PLA2R1: variants seen among roughly 807,000 people sequenced by gnomAD.
PLA2R1 encodes the protein secretory phospholipase A2 receptor.
PLA2R1 carries 158 observed loss-of-function variants against 195.9 expected under a neutral mutation model. The observed-to-expected ratio is 0.81, with a 90% CI of 0.71 to 0.92. PLA2R1 has a LOEUF of 0.92. PLA2R1 is among the 40% of genes least tolerant of loss of function. The pLI is 0.00. For missense variants in PLA2R1, 1,626 were observed against 1,764.6 expected, an observed-to-expected ratio of 0.92 and a Z score of 1.41; for synonymous variants, 586 against 598.2, an observed-to-expected ratio of 0.98 and a Z score of 0.30.
At chr2:160,020,287 C>A in intron 7 of PLA2R1, 24 bp from the exon 8 acceptor site, 1 of 1,568,872 alleles carries the variant, frequency 6.4e-7, no homozygotes, top group Non-Finnish European at 8.7e-7. Context: ...ATGTAAATTA[C>A]TTATGGGATC....
At chr2:159,969,442 G>T in intron 18 of PLA2R1, 83 bp from the exon 19 acceptor site, 1 of 715,536 alleles carries the variant, frequency 1.4e-6, no homozygotes, top group Non-Finnish European at 2.5e-6. Context: ...TCTGAGGTAG[G>T]GATTGAAGAT....
At chr2:159,964,403 C>A (rs1382331019) in intron 20 of PLA2R1, among the ~76,000 whole-genome samples, 1 of 152,036 alleles carries the variant, frequency 6.6e-6, no homozygotes, top group Non-Finnish European at 1.5e-5. Context: ...TTATTTAGGA[C>A]CATAAAGATG....
rs759960475 is a variant in PLA2R1 at position 160,042,111 on chromosome 2, C to T, written c.581G>A (p.Arg194His). Reference protein sequence around the residue: ...YNHQWHHECTREGREDDLLWC... With the variant: ...YNHQWHHECTHEGREDDLLWC... The stretch of plus-strand genomic sequence containing the variant: ...CAGTAAGTCATCTTCCCGACCTTCA[C>T]GGGTACATTCATGATGCCACTGATG... Residue 194 changes from arginine (R) to histidine (H), a missense_variant, in exon 3 of 30, where the codon CGT (arginine) becomes CAT (histidine). Physicochemically the swap from Arg to His is conservative, Grantham distance 29 (BLOSUM62 0). Transcript: ENST00000283243. 1.9e-5 allele frequency: 31 copies of T among 1,614,048 alleles called. No homozygotes were observed. The highest frequency in any genetic ancestry group is 1.6e-4 in the Middle Eastern group (1 of 6,062).
chr2:159,988,845 A>C lies in PLA2R1; in HGVS notation c.1835-1487T>G, dbSNP rs577409071. On this transcript the variant is annotated intron_variant, in intron 11 of 29. Transcript: ENST00000283243. The stretch of plus-strand genomic sequence containing the variant: ...ACAAGAGAGGGAAAATGAAGAGTGC[A>C]AAGGAGAAGAAAGAAGACAAAGGAA... Among the ~76,000 whole-genome samples, 8 of 152,306 alleles carry C rather than the reference A, an allele frequency of 5.3e-5. No homozygotes were observed. The South Asian group carries it at 8.3e-4, about 16-fold the overall frequency.
chr2:160,022,284 C>T (rs918745020), intron 7 of PLA2R1, among the ~76,000 whole-genome samples: 5 of 151,860 alleles, frequency 3.3e-5, no homozygotes, highest in Non-Finnish European at 5.9e-5. Flanking sequence ...AAATTGTTTA[C>T]ATCTAATTAT....
chr2:160,048,974 G>A (rs1695055740), intron 1 of PLA2R1, among the ~76,000 whole-genome samples: 1 of 150,082 alleles, frequency 6.7e-6, no homozygotes, highest in Non-Finnish European at 1.5e-5. Flanking sequence ...CCAAGTAGCT[G>A]GGACTACAGG....
intron 17 of PLA2R1, among the ~76,000 whole-genome samples, chr2:159,975,333 T>G (rs1289583029): frequency 6.6e-6 from 1 of 152,216 alleles, no homozygotes; most frequent in East Asian, 1.9e-4. Flanking sequence ...TACTTGATAA[T>G]GAATGCTTAT....
chr2:160,049,002 G>A (rs978861811), intron 1 of PLA2R1, among the ~76,000 whole-genome samples: 8 of 151,616 alleles, frequency 5.3e-5, no homozygotes, highest in African/African-American at 1.5e-4. Context: ...CACTACGCCC[G>A]GCTAATTTTT....
In PLA2R1 at chr2:159,976,216, C is replaced by T; in HGVS notation, c.2447G>A (p.Trp816Ter). The change falls in exon 17 of 30, where the codon TGG (tryptophan) becomes TAG (stop). Residue 816 changes from tryptophan (W) to a stop codon, truncating the protein, a stop_gained. Transcript: ENST00000283243. LOFTEE classifies it high-confidence loss of function. Reference sequence around the variant, plus strand: ...GTATTCTGCATCCTGATAAAAGAGCCAGGGTACATCTGAAAAAGAAACAGT... The same window carrying T: ...GTATTCTGCATCCTGATAAAAGAGCTAGGGTACATCTGAAAAAGAAACAGT... ...IPFWYQYDVP[W>*]LFYQDAEYLF... 6.2e-7 allele frequency: 1 copy of T among 1,600,880 alleles called. No homozygotes were observed. Among genetic ancestry groups the T allele is most frequent in the Non-Finnish European group, 8.5e-7 (1 of 1,172,800 alleles).
In PLA2R1 at chr2:160,062,330, G is replaced by A. The variant is rs1489188602; in HGVS notation, c.74C>T (p.Ala25Val). 2 of 1,524,978 alleles carry A rather than the reference G, an allele frequency of 1.3e-6. No individual in the cohort carries two copies. The highest frequency in any genetic ancestry group is 2.1e-5 in the Admixed American group (1 of 48,194). The allele number at this position is 1,524,978 out of a possible 1,614,324, so 94.5% of individuals were successfully genotyped here. A position where few individuals can be genotyped will look rare whatever the true frequency, so the allele number is the denominator to read the frequency against. ...CAGGAGCCGCTCGGGGGTAAGCGCCGCCGCCACACCCTCGGCGCAGCCCCG... is the reference window on the plus strand; with the variant it reads ...CAGGAGCCGCTCGGGGGTAAGCGCCACCGCCACACCCTCGGCGCAGCCCCG... ...APRGCAEGVA[A>V]ALTPERLLEW... Residue 25 changes from alanine to valine, a missense_variant, in exon 1 of 30, where the codon GCG (alanine) becomes GTG (valine). Ala to Val is a moderately conservative substitution (Grantham distance 64). Coordinates refer to ENST00000283243, the MANE Select transcript of PLA2R1 (RefSeq NM_007366.5).
chr2:159,950,537 T>A (rs554730806), intron 24 of PLA2R1, among the ~76,000 whole-genome samples: 8 of 152,224 alleles, frequency 5.3e-5, no homozygotes, highest in African/African-American at 1.9e-4. Context: ...AATGGTTTAA[T>A]AAGTTGTGGT....
At position 159,971,238 on chromosome 2, in the gene PLA2R1, T is replaced by C. The variant is rs530779458; in HGVS notation, c.2596-1026A>G. Among the ~76,000 whole-genome samples the C allele has an allele frequency of 3.9e-5, 6 of 152,294 alleles. No individual in the cohort carries two copies. In the South Asian group the frequency reaches 6.2e-4, roughly 16 times the overall value. ...TAAATTCTATGTTAACAGAGTGATA[T>C]AGTTATCACCAATAAAAAAACCACT... On this transcript the variant is annotated intron_variant, in intron 17 of 29. Coordinates refer to ENST00000283243, the MANE Select transcript of PLA2R1 (RefSeq NM_007366.5).
intron 24 of PLA2R1, 51 bp downstream of exon 24, chr2:159,951,289 G>T (rs1687724298): frequency 1.0e-6 from 1 of 959,022 alleles, no homozygotes; most frequent in Non-Finnish European, 1.7e-6. Flanking sequence ...GAAGGAGGTA[G>T]ATGCTAAACT....
intron 20 of PLA2R1, among the ~76,000 whole-genome samples, chr2:159,960,373 CA>C (rs1307946579): frequency 6.6e-6 from 1 of 152,110 alleles, no homozygotes; most frequent in Non-Finnish European, 1.5e-5. Context: ...AGTGTGTAAG[CA>C]CCAAAAGAGA....
At chr2:159,977,599 C>CT (rs1689661303) in intron 14 of PLA2R1, among the ~76,000 whole-genome samples, 183 bp from the exon 15 acceptor site, 1 of 125,650 alleles carries the variant, frequency 8.0e-6, no homozygotes, top group Non-Finnish European at 2.0e-5. Flanking sequence ...CAATATTTAG[C>CT]ATTTTTTTCT....
Position 159,939,181 on chromosome 2 carries a change from C to T in PLA2R1, c.*2597G>A, listed in dbSNP as rs1227359374. 2.0e-5 allele frequency: 3 copies of T among 151,566 alleles called. No homozygotes were observed. Among genetic ancestry groups the T allele is most frequent in the Non-Finnish European group, 2.9e-5 (2 of 67,882 alleles). 9.4% of individuals were successfully genotyped at this position (151,566 alleles called of 1,614,324 possible). On this transcript the variant is annotated 3_prime_UTR_variant, in exon 30 of 30. Coordinates refer to ENST00000283243, the MANE Select transcript of PLA2R1 (RefSeq NM_007366.5). ...ATTACCTGCTACTTTTTTTTCTTTT[C>T]GAATTATAGCTATAAAATCTAGTTC...
At chr2:159,952,415 T>C (rs1209552120) in intron 23 of PLA2R1, among the ~76,000 whole-genome samples, 1 of 152,248 alleles carries the variant, frequency 6.6e-6, no homozygotes, top group Non-Finnish European at 1.5e-5. Context: ...ACATATGTTC[T>C]GTATGTTATG....
intron 20 of PLA2R1, among the ~76,000 whole-genome samples, chr2:159,958,917 G>A (rs1688270129): frequency 6.6e-6 from 1 of 152,140 alleles, no homozygotes; most frequent in Admixed American, 6.5e-5. Flanking sequence ...ACTCAGTCCT[G>A]ATCATGTCAC....
chr2:159,956,209 C>A (rs1172110043), intron 21 of PLA2R1, among the ~76,000 whole-genome samples: 2 of 152,160 alleles, frequency 1.3e-5, no homozygotes, highest in Non-Finnish European at 2.9e-5. Context: ...CATGCAATTA[C>A]ATGTAGATCA....
Sources: gnomAD v4.1 joint callset for allele counts (sites outside exome capture counted in the v4.1 genomes callset) on GRCh38, gnomAD v4.1.1 for gene constraint, MANE v1.5 for transcripts, NCBI Gene and HGNC (gene_info 2026-07-23, HGNC 2026-07-21) for gene names.